Variants in C1GALT1 observed in about 807,000 individuals in gnomAD.
The protein encoded by C1GALT1 is glycoprotein-N-acetylgalactosamine 3-beta-galactosyltransferase 1.
In C1GALT1, 11 loss-of-function variants were observed where a neutral mutation model predicts 31.0. That is an observed-to-expected ratio of 0.36 (90% CI 0.22 to 0.59). The LOEUF is 0.59. Ranked by LOEUF, C1GALT1 falls within the 20% of genes least tolerant of loss-of-function variation. The pLI is 0.79. For synonymous variants in C1GALT1, 175 were observed against 143.6 expected, an observed-to-expected ratio of 1.22 and a Z score of -1.56; for missense variants, 424 against 425.2, an observed-to-expected ratio of 1.00 and a Z score of 0.03.
At chr7:7,234,731 C>T (rs913317991) in intron 2 of C1GALT1, 192 bp downstream of exon 2, 9 of 499,448 alleles carry the variant, frequency 1.8e-5, no homozygotes, top group South Asian at 5.6e-5. Context: ...ATTTTGAATT[C>T]GTTTTTAAGT....
At chr7:7,236,993 A>C (rs1028426632) in intron 2 of C1GALT1, among the ~76,000 whole-genome samples, 2 of 152,212 alleles carry the variant, frequency 1.3e-5, no homozygotes, top group Non-Finnish European at 2.9e-5. Context: ...TACTGCCCAG[A>C]ACATTGCTAC....
chr7:7,222,287 G>C (rs1782544573), intron 1 of C1GALT1, among the ~76,000 whole-genome samples: 1 of 152,108 alleles, frequency 6.6e-6, no homozygotes. Context: ...AGAATAATTG[G>C]TTAATTTCTG....
chr7:7,235,425 T>C (rs148155829), intron 2 of C1GALT1: 37 of 152,254 alleles, frequency 2.4e-4, no homozygotes, highest in African/African-American at 8.9e-4. Flanking sequence ...ATAAACATAC[T>C]ATTACAAAGT....
chr7:7,191,131 C>T (rs765520960), intron 1 of C1GALT1, among the ~76,000 whole-genome samples: 1 of 152,094 alleles, frequency 6.6e-6, no homozygotes, highest in Admixed American at 6.6e-5. Flanking sequence ...TCCGTTTAAA[C>T]GATAGCTCTC....
chr7:7,159,974 C>A (rs1437611979), intron 2 of C1GALT1, among the ~76,000 whole-genome samples: 2 of 152,122 alleles, frequency 1.3e-5, no homozygotes, highest in African/African-American at 2.4e-5. Flanking sequence ...TCCTAGGGAG[C>A]TTTGCACCAA....
chr7:7,229,576 T>A (rs1782969325), intron 1 of C1GALT1, among the ~76,000 whole-genome samples: 1 of 152,216 alleles, frequency 6.6e-6, no homozygotes, highest in African/African-American at 2.4e-5. Flanking sequence ...ATCAGTTCTC[T>A]CTGGCTGTTT....
intron 1 of C1GALT1, among the ~76,000 whole-genome samples, chr7:7,199,128 C>G (rs1305628500): frequency 6.6e-6 from 1 of 152,056 alleles, no homozygotes; most frequent in African/African-American, 2.4e-5. Context: ...ATTGTGATGT[C>G]AGGGTGTCAA....
intron 1 of C1GALT1, among the ~76,000 whole-genome samples, chr7:7,215,636 C>G (rs1236234275): frequency 2.6e-5 from 4 of 152,160 alleles, no homozygotes; most frequent in Non-Finnish European, 5.9e-5. Context: ...AGTATTGCCT[C>G]TCTTCCTATT....
In C1GALT1 at chr7:7,238,011, G is replaced by C. The variant is rs1237384050; in HGVS notation, c.221-244G>C. 6.6e-6 allele frequency among the ~76,000 whole-genome samples: 1 copy of C among 152,134 alleles called. No individual in the cohort carries two copies. Among genetic ancestry groups the C allele is most frequent in the East Asian group, 1.9e-4 (1 of 5,192 alleles). On this transcript the variant is annotated intron_variant, in intron 2 of 3. Coordinates refer to ENST00000436587, the MANE Select transcript of C1GALT1 (RefSeq NM_020156.5). This position sits in a 1 kb window ranked among gnomAD's most constrained non-coding sequence, Gnocchi z 5.2. ...TTTTAATCAGTAAACTACAGTTTGA[G>C]ACGAATTTAGATTATAATGTCAACT...
intron 1 of C1GALT1, among the ~76,000 whole-genome samples, chr7:7,232,496 TG>T (rs199935912): frequency 1.2e-4 from 8 of 68,910 alleles, no homozygotes; most frequent in Admixed American, 1.8e-4. Context: ...TTTTTTTTTT[TG>T]TTTTTTTTTT....
chr7:7,158,044 T>C (rs1780292817), intron 2 of C1GALT1, among the ~76,000 whole-genome samples: 1 of 152,240 alleles, frequency 6.6e-6, no homozygotes, highest in Admixed American at 6.5e-5. Context: ...AGTACATTCC[T>C]TTCACATGAA....
intron 2 of C1GALT1, among the ~76,000 whole-genome samples, chr7:7,174,579 T>A (rs1464396280): frequency 7.7e-6 from 1 of 130,714 alleles, no homozygotes; most frequent in Non-Finnish European, 1.6e-5. Flanking sequence ...TCATCTCTAG[T>A]TAAAAAAGAA....
At chr7:7,201,128 T>C (rs1055656355) in intron 1 of C1GALT1, among the ~76,000 whole-genome samples, 1 of 152,212 alleles carries the variant, frequency 6.6e-6, no homozygotes, top group African/African-American at 2.4e-5. Flanking sequence ...TCCCCATCTT[T>C]GTGGTTTTAT....
intron 2 of C1GALT1, among the ~76,000 whole-genome samples, chr7:7,236,118 T>C (rs1247141428): frequency 1.3e-5 from 2 of 152,234 alleles, no homozygotes; most frequent in Non-Finnish European, 2.9e-5. Flanking sequence ...TTGAATCCTT[T>C]GTTCATACCT....
chr7:7,158,559 A>G (rs144615177), intron 2 of C1GALT1, among the ~76,000 whole-genome samples: 58 of 151,154 alleles, frequency 3.8e-4, no homozygotes, highest in African/African-American at 1.3e-3. Context: ...TATATTTTAC[A>G]TATTATATAC....
At chr7:7,219,433 A>G (rs1451975969) in intron 1 of C1GALT1, among the ~76,000 whole-genome samples, 1 of 152,144 alleles carries the variant, frequency 6.6e-6, no homozygotes, top group Admixed American at 6.5e-5. Flanking sequence ...AGCTAGGCAT[A>G]TGTTGGGGCA....
chr7:7,209,327 AG>A (rs1241511442), intron 1 of C1GALT1: 2 of 152,180 alleles, frequency 1.3e-5, no homozygotes, highest in African/African-American at 2.4e-5. Flanking sequence ...TTTTTTGGAC[AG>A]CATTTTAGTA....
chr7:7,184,781 C>T (rs965130484), intron 1 of C1GALT1, among the ~76,000 whole-genome samples: 8 of 152,312 alleles, frequency 5.3e-5, no homozygotes, highest in African/African-American at 1.9e-4. Context: ...CCCAATACAA[C>T]CATCTTTTCT....
At chr7:7,165,060 G>A (rs984440971) in intron 2 of C1GALT1, among the ~76,000 whole-genome samples, 10 of 152,158 alleles carry the variant, frequency 6.6e-5, no homozygotes, top group African/African-American at 2.4e-4. Flanking sequence ...CCTCAGAGAA[G>A]GACCAAACAG....
Sources: allele counts gnomAD v4.1 joint callset (sites outside exome capture counted in the v4.1 genomes callset), GRCh38; gene constraint gnomAD v4.1.1; non-coding constraint Gnocchi (gnomAD v3.1); transcripts MANE v1.5; gene names NCBI Gene and HGNC (gene_info 2026-07-23, HGNC 2026-07-21).